Variants in MRFAP1L1 observed in about 807,000 individuals in gnomAD.
MRFAP1L1 encodes the protein MORF4 family-associated protein 1-like 1.
In MRFAP1L1, 9 loss-of-function variants were observed where a neutral mutation model predicts 10.6. The ratio of observed to expected loss-of-function variants is 0.85; its 90% CI spans 0.51 to 1.48. The LOEUF (loss-of-function observed/expected upper bound fraction) is 1.48. Ranked by LOEUF, MRFAP1L1 falls within the 40% of genes most tolerant of loss-of-function variation. MRFAP1L1 has a pLI of 0.00. For synonymous variants in MRFAP1L1, 78 were observed against 70.4 expected, an observed-to-expected ratio of 1.11 and a Z score of -0.54; for missense variants, 177 against 171.4, an observed-to-expected ratio of 1.03 and a Z score of -0.18.
Position 6,709,269 on chromosome 4 carries a change from T to A in MRFAP1L1, c.361A>T (p.Ile121Leu). The A allele has an allele frequency of 6.2e-7, 1 of 1,614,156 alleles. No individual in the cohort carries two copies. The highest frequency in any genetic ancestry group is 1.3e-5 in the African/African-American group (1 of 75,060). ...CTTCAAGAAGACTCGCTTCTCTCTATTCGCCAGACGAGCTCGACCAGCATC... is the reference window on the plus strand; with the variant it reads ...CTTCAAGAAGACTCGCTTCTCTCTAATCGCCAGACGAGCTCGACCAGCATC... Reference protein sequence around the residue: ...AEMLVELVWRIERSESS With the variant: ...AEMLVELVWRLERSESS The change falls in exon 1 of 2, where the codon ATA becomes TTA. Residue 121 changes from isoleucine to leucine, a missense_variant. Transcript: ENST00000320848.
Position 6,709,789 on chromosome 4 carries a change from G to C in MRFAP1L1, c.-160C>G. 9.8e-7 allele frequency: 1 copy of C among 1,018,102 alleles called. No homozygotes were observed. The highest frequency in any genetic ancestry group is 1.4e-6 in the Non-Finnish European group (1 of 708,558). 63.1% of individuals were successfully genotyped at this position (1,018,102 alleles called of 1,614,324 possible). ...TTATTTTTTTTTCTTCCTTTTAATTGTAAGCCTTTCGCTTCACAACTCTGC... is the reference window on the plus strand; with the variant it reads ...TTATTTTTTTTTCTTCCTTTTAATTCTAAGCCTTTCGCTTCACAACTCTGC... On this transcript the variant is annotated 5_prime_UTR_variant, in exon 1 of 2. Coordinates refer to ENST00000320848, the MANE Select transcript of MRFAP1L1 (RefSeq NM_203462.3).
At position 6,709,233 on chromosome 4, in the gene MRFAP1L1, C is replaced by T. The variant is rs374067499; in HGVS notation, c.*13G>A. The T allele has an allele frequency of 6.2e-7, 1 of 1,610,934 alleles. No homozygotes were observed. The highest frequency in any genetic ancestry group is 8.5e-7 in the Non-Finnish European group (1 of 1,177,290). On this transcript the variant is annotated splice_region_variant and 3_prime_UTR_variant, in exon 1 of 2. Transcript: ENST00000320848. ...CTCCAGCTAGTTTCCGACCTTACCA[C>T]CGATCTCCTCCTTCAAGAAGACTCG...
chr4:6,708,962 G>A, intron 1 of MRFAP1L1: 3 of 454,542 alleles, frequency 6.6e-6, no homozygotes, highest in East Asian at 4.3e-5. Flanking sequence ...TGACTTTTAT[G>A]TTTCACAAAA....
In MRFAP1L1 at chr4:6,708,656, T is replaced by C. The variant is rs1714675044; in HGVS notation, c.*16-13A>G. 4.6e-5 allele frequency: 7 copies of C among 153,754 alleles called. No homozygotes were observed. The highest frequency in any genetic ancestry group is 4.5e-4 in the Admixed American group (7 of 15,594). The allele number at this position is 153,754 out of a possible 1,614,324, so 9.5% of individuals were successfully genotyped here. ...CTCAGCTGTGAACCTAAAGCACAAT[T>C]GGGAGAAATTTACCATGAAGACATT... On this transcript the variant is annotated splice_polypyrimidine_tract_variant and intron_variant, in intron 1 of 1. Transcript: ENST00000320848.
rs374067499 is a variant in MRFAP1L1, at chr4:6,709,233, C to G, written c.*13G>C. On this transcript the variant is annotated splice_region_variant and 3_prime_UTR_variant, in exon 1 of 2. Transcript: ENST00000320848. ...CTCCAGCTAGTTTCCGACCTTACCA[C>G]CGATCTCCTCCTTCAAGAAGACTCG... The G allele has an allele frequency of 1.9e-6, 3 of 1,610,934 alleles. No individual in the cohort carries two copies. The South Asian group carries it at 3.3e-5, about 18-fold the overall frequency.
chr4:6,709,132 G>GA (rs1441201565), intron 1 of MRFAP1L1, 99 bp downstream of exon 1: 4 of 1,277,854 alleles, frequency 3.1e-6, no homozygotes, highest in Non-Finnish European at 4.4e-6. Flanking sequence ...TAAAATGGGG[G>GA]ATGCAGGCCT....
chr4:6,709,502 A>T lies in MRFAP1L1; in HGVS notation c.128T>A (p.Ile43Lys). ...NEMREDIASL[I>K]REHGRAYLRT... ...CAGGTACGCCCGCCCGTGCTCGCGT[A>T]TAAGAGACGCGATGTCCTCGCGCAT... The change falls in exon 1 of 2, where the codon ATA becomes AAA. Residue 43 changes from isoleucine (I) to lysine (K), a missense_variant. Transcript: ENST00000320848. 6.2e-7 allele frequency: 1 copy of T among 1,614,280 alleles called. No homozygotes were observed. The highest frequency in any genetic ancestry group is 8.5e-7 in the Non-Finnish European group (1 of 1,180,050).
rs931416706 is a variant in MRFAP1L1, at chr4:6,709,810, T to C, written c.-181A>G. 4.6e-5 allele frequency: 40 copies of C among 865,040 alleles called. No individual in the cohort carries two copies. The African/African-American group carries it at 5.8e-4, about 13-fold the overall frequency. The allele number at this position is 865,040 out of a possible 1,614,324, so 53.6% of individuals were successfully genotyped here. A position where few individuals can be genotyped will look rare whatever the true frequency, so the allele number is the denominator to read the frequency against. On this transcript the variant is annotated 5_prime_UTR_variant, in exon 1 of 2. Coordinates refer to ENST00000320848, the MANE Select transcript of MRFAP1L1 (RefSeq NM_203462.3). ...AATTGTAAGCCTTTCGCTTCACAAC[T>C]CTGCGGGAAGAATCGCCGTGGATGC... is the stretch of plus-strand genomic sequence containing the variant.
chr4:6,709,366 T>C lies in MRFAP1L1; in HGVS notation c.264A>G (p.Glu88=), dbSNP rs3207076. The C allele has an allele frequency of 1.2e-6, 2 of 1,614,296 alleles. No individual in the cohort carries two copies. ...ALNHVQHPSG[E]ADERVSELCE... ...ACAACTCCGACACTCTCTCGTCGGC[T>C]TCGCCACTCGGGTGCTGCACGTGAT... The change falls in exon 1 of 2, where the codon GAA becomes GAG. Residue 88 remains glutamate, a synonymous_variant. Coordinates refer to ENST00000320848, the MANE Select transcript of MRFAP1L1 (RefSeq NM_203462.3).
At position 6,708,536 on chromosome 4, in the gene MRFAP1L1, C is replaced by G. The variant is rs4689524; in HGVS notation, c.*123G>C. ...CTGACCATAAGGGAGACTGTTACAT[C>G]GGGGTAAAAAACATACAAAAACAAA... On this transcript the variant is annotated 3_prime_UTR_variant, in exon 2 of 2. Coordinates refer to ENST00000320848, the MANE Select transcript of MRFAP1L1 (RefSeq NM_203462.3). 149,774 of 152,372 alleles carry G rather than the reference C, an allele frequency of 0.98. 73,667 individuals are homozygous for G. The highest frequency in any genetic ancestry group is 1 in the Non-Finnish European group (68,065 of 68,076). 9.4% of individuals were successfully genotyped at this position (152,372 alleles called of 1,614,324 possible). A position where few individuals can be genotyped will look rare whatever the true frequency, so the allele number is the denominator to read the frequency against.
chr4:6,709,405 C>T lies in MRFAP1L1; in HGVS notation c.225G>A (p.Glu75=), dbSNP rs1410646305. 6.2e-7 allele frequency: 1 copy of T among 1,614,276 alleles called. No homozygotes were observed. The highest frequency in any genetic ancestry group is 8.5e-7 in the Non-Finnish European group (1 of 1,180,048). The stretch of plus-strand genomic sequence containing the variant: ...GCTGCACGTGATTGAGGGCGCTCTC[C>T]TCCGAGGCCTCCACCTGCGTTTTGA... ...IQIKTQVEAS[E]ESALNHVQHP... is the part of the protein sequence containing the mutation. Residue 75 remains glutamate (E), a synonymous_variant, in exon 1 of 2, where the codon GAG becomes GAA. Coordinates refer to ENST00000320848, the MANE Select transcript of MRFAP1L1 (RefSeq NM_203462.3).
At chr4:6,708,874 G>T in intron 1 of MRFAP1L1, 2 of 254,518 alleles carry the variant, frequency 7.9e-6, no homozygotes, top group South Asian at 4.8e-5. Flanking sequence ...GTGCTCTATG[G>T]CCTAGGTCTT....
At position 6,709,315 on chromosome 4, in the gene MRFAP1L1, C is replaced by T. The variant is rs1410483498; in HGVS notation, c.315G>A (p.Lys105=). Residue 105 remains lysine (K), a synonymous_variant, in exon 1 of 2, where the codon AAG becomes AAA. Coordinates refer to ENST00000320848, the MANE Select transcript of MRFAP1L1 (RefSeq NM_203462.3). ...GCATCTCTGCCATCTTCGCAATCTC[C>T]TTGGCTTTCTCCTCAGCCTTCTCGC... ...ELCEKAEEKA[K]EIAKMAEMLV... is the part of the protein sequence containing the mutation. 9.9e-6 allele frequency: 16 copies of T among 1,614,154 alleles called. No individual in the cohort carries two copies. The highest frequency in any genetic ancestry group is 1.4e-5 in the Non-Finnish European group (16 of 1,180,052).
In MRFAP1L1 at chr4:6,707,738, G is replaced by A. The variant is rs1001167363; in HGVS notation, c.*921C>T. The A allele has an allele frequency of 2.6e-5, 4 of 152,140 alleles. No homozygotes were observed. Among genetic ancestry groups the A allele is most frequent in the African/African-American group, 7.2e-5 (3 of 41,420 alleles). The allele number at this position is 152,140 out of a possible 1,614,324, so 9.4% of individuals were successfully genotyped here. On this transcript the variant is annotated 3_prime_UTR_variant, in exon 2 of 2. Transcript: ENST00000320848. ...TCTTTTATTAACACACACAGGAGGGGCTTTGGTCATGTGAACAAAAAATTT... is the reference window on the plus strand; with the variant it reads ...TCTTTTATTAACACACACAGGAGGGACTTTGGTCATGTGAACAAAAAATTT...
At chr4:6,708,692 G>C (rs550340556) in intron 1 of MRFAP1L1, 49 bp from the exon 2 acceptor site, 1 of 154,170 alleles carries the variant, frequency 6.5e-6, no homozygotes, top group Non-Finnish European at 1.4e-5. Flanking sequence ...GACTCTCAAA[G>C]TTCCATATCC....
At position 6,709,790 on chromosome 4, in the gene MRFAP1L1, T is replaced by C. The variant is rs1714735701; in HGVS notation, c.-161A>G. 2 of 1,004,480 alleles carry C rather than the reference T, an allele frequency of 2.0e-6. No homozygotes were observed. Among genetic ancestry groups the C allele is most frequent in the Non-Finnish European group, 2.9e-6 (2 of 696,252 alleles). 62.2% of individuals were successfully genotyped at this position (1,004,480 alleles called of 1,614,324 possible). A position where few individuals can be genotyped will look rare whatever the true frequency, so the allele number is the denominator to read the frequency against. On this transcript the variant is annotated 5_prime_UTR_variant, in exon 1 of 2. Transcript: ENST00000320848. ...TATTTTTTTTTCTTCCTTTTAATTG[T>C]AAGCCTTTCGCTTCACAACTCTGCG...
In MRFAP1L1 at chr4:6,709,488, GC is replaced by G; in HGVS notation, c.141del (p.Arg48GlyfsTer74). On this transcript the variant is annotated frameshift_variant, in exon 1 of 2. Coordinates refer to ENST00000320848, the MANE Select transcript of MRFAP1L1 (RefSeq NM_203462.3). LOFTEE classifies it high-confidence loss of function. ...TTGCTCCTGGTCCGCAGGTACGCCCGCCCGTGCTCGCGTATAAGAGACGCGA... is the reference window on the plus strand; with the variant it reads ...TTGCTCCTGGTCCGCAGGTACGCCCGCCGTGCTCGCGTATAAGAGACGCGA... ...EDIASLIREHGRAYLRTRSKL... is the reference protein window; with the variant it reads ...EDIASLIREHXRAYLRTRSKL... 1 of 1,614,258 alleles carries G rather than the reference GC, an allele frequency of 6.2e-7. No homozygotes were observed. Among genetic ancestry groups the G allele is most frequent in the Non-Finnish European group, 8.5e-7 (1 of 1,180,044 alleles).
intron 1 of MRFAP1L1, 87 bp downstream of exon 1, chr4:6,709,144 G>T: frequency 7.0e-7 from 1 of 1,432,132 alleles, no homozygotes; most frequent in South Asian, 1.3e-5. Context: ...TGCAGGCCTA[G>T]AACATAACTT....
In MRFAP1L1 at chr4:6,709,645, C is replaced by T. The variant is rs1426921545; in HGVS notation, c.-16G>A. 5.6e-6 allele frequency: 9 copies of T among 1,606,860 alleles called. No individual in the cohort carries two copies. In the East Asian group the frequency reaches 1.8e-4, roughly 32 times the overall value. On this transcript the variant is annotated 5_prime_UTR_variant, in exon 1 of 2. Transcript: ENST00000320848. ...GGGGCCGCATCTCCTCCTGCCGCTTCCTCAGTACCGCAGTAGGGGCGTTCT... is the reference window on the plus strand; with the variant it reads ...GGGGCCGCATCTCCTCCTGCCGCTTTCTCAGTACCGCAGTAGGGGCGTTCT...
Sources: allele counts gnomAD v4.1 joint callset, GRCh38; gene constraint gnomAD v4.1.1; transcripts MANE v1.5; gene names NCBI Gene and HGNC (gene_info 2026-07-23, HGNC 2026-07-21).